PODXL: variants seen among roughly 807,000 people sequenced by gnomAD.
PODXL encodes podocalyxin like.
PODXL carries 20 observed loss-of-function variants against 48.9 expected under a neutral mutation model. The observed-to-expected ratio is 0.41, with a 90% confidence interval of 0.29 to 0.59. The LOEUF (loss-of-function observed/expected upper bound fraction) is 0.59, where lower values mean the gene tolerates loss of function less well. Among genes scored for constraint, PODXL ranks in the 20% least tolerant of loss-of-function variants. The pLI, the probability that PODXL is intolerant of heterozygous loss-of-function variation, is 0.31. For missense variants in PODXL, 606 were observed against 675.1 expected (o/e 0.90, Z 1.13); for synonymous variants, 295 against 287.4 (o/e 1.03, Z -0.27).
chr7:131,541,913 G>T (rs911951850), intron 1 of PODXL, among the ~76,000 whole-genome samples: 1 of 152,136 alleles, frequency 6.6e-6, no homozygotes, highest in Non-Finnish European at 1.5e-5. Context: ...AGCCCCAGTT[G>T]GAGCCAGGTG....
chr7:131,521,554 C>T (rs1157881117), intron 1 of PODXL, among the ~76,000 whole-genome samples: 2 of 152,088 alleles, frequency 1.3e-5, no homozygotes, highest in East Asian at 1.9e-4. Flanking sequence ...AGGTTGGTCT[C>T]GAACTCCTGA....
Position 131,510,944 on chromosome 7 carries a change from G to A in PODXL, c.590C>T (p.Pro197Leu), listed in dbSNP as rs762884814. Reference protein sequence around the residue: ...LSPRQPTSTHPVATPTSSGHD... With the variant: ...LSPRQPTSTHLVATPTSSGHD... The stretch of plus-strand genomic sequence containing the variant: ...TCCCGAGCTTGTTGGGGTGGCCACA[G>A]GATGCGTCGAAGTGGGTTGTCGGGG... The change falls in exon 2 of 9, where the codon CCT (proline) becomes CTT (leucine). Residue 197 changes from proline to leucine, a missense_variant. By Grantham distance (98) the Pro-to-Leu change is moderately conservative. Transcript: ENST00000378555. 1 of 1,614,174 alleles carries A rather than the reference G, an allele frequency of 6.2e-7. No individual in the cohort carries two copies. Among genetic ancestry groups the A allele is most frequent in the Non-Finnish European group, 8.5e-7 (1 of 1,180,030 alleles).
At chr7:131,556,197 C>T in intron 1 of PODXL, 63 bp downstream of exon 1, 2 of 1,376,456 alleles carry the variant, frequency 1.5e-6, no homozygotes, top group South Asian at 1.7e-5. Flanking sequence ...CCCTGCAGCT[C>T]GGCCGGGCAG....
intron 1 of PODXL, among the ~76,000 whole-genome samples, chr7:131,531,376 C>T (rs1798277753): frequency 6.6e-6 from 1 of 152,192 alleles, no homozygotes; most frequent in Non-Finnish European, 1.5e-5. Flanking sequence ...GGGATAAGAG[C>T]AAGGAGCTTG....
At chr7:131,514,156 G>T (rs1021369036) in intron 1 of PODXL, among the ~76,000 whole-genome samples, 7 of 152,210 alleles carry the variant, frequency 4.6e-5, no homozygotes, top group Non-Finnish European at 5.9e-5. Context: ...GGTGGCTCAT[G>T]CCTGTAATCC....
At chr7:131,506,347 A>G (rs759951973) in intron 6 of PODXL, 26 bp from the exon 7 acceptor site, 7 of 1,613,082 alleles carry the variant, frequency 4.3e-6, no homozygotes, top group Non-Finnish European at 5.1e-6. Context: ...ACGATGCCCA[A>G]TGGCCCAGCC....
chr7:131,533,281 G>T (rs1017467658), intron 1 of PODXL, among the ~76,000 whole-genome samples: 6 of 152,164 alleles, frequency 3.9e-5, no homozygotes, highest in African/African-American at 9.7e-5. Flanking sequence ...GTGAGACTTG[G>T]GGCCTCTGGG....
At chr7:131,522,495 T>C (rs535614923) in intron 1 of PODXL, among the ~76,000 whole-genome samples, 1 of 152,184 alleles carries the variant, frequency 6.6e-6, no homozygotes, top group South Asian at 2.1e-4. Flanking sequence ...GGCAGACTAT[T>C]TGAGGAGCAG....
At chr7:131,549,299 G>A (rs1562919534) in intron 1 of PODXL, among the ~76,000 whole-genome samples, 1 of 152,156 alleles carries the variant, frequency 6.6e-6, no homozygotes, top group East Asian at 1.9e-4. Context: ...GCAAGTCCTT[G>A]CATCTGTGCC....
At chr7:131,538,197 T>C (rs2398794) in intron 1 of PODXL, among the ~76,000 whole-genome samples, 151,774 of 152,200 alleles carry the variant, frequency 1, 75,678 homozygotes, top group Middle Eastern at 1. Context: ...ATGACCCCCC[T>C]ACCCCCAGGC....
intron 1 of PODXL, among the ~76,000 whole-genome samples, chr7:131,539,757 G>A (rs1425032752): frequency 2.0e-5 from 3 of 152,244 alleles, no homozygotes; most frequent in African/African-American, 4.8e-5. Context: ...AGACAGGAAC[G>A]TCCGTGCCCA....
intron 1 of PODXL, among the ~76,000 whole-genome samples, chr7:131,533,046 G>A (rs1304251819): frequency 6.6e-6 from 1 of 152,180 alleles, no homozygotes. Flanking sequence ...CTAAGACAAG[G>A]GGTTCAGGAT....
rs2116881810 is a variant in PODXL, at chr7:131,556,538, AGAGCCG to A, written c.-185_-180del. The A allele has an allele frequency of 1.4e-6, 1 of 702,958 alleles. No homozygotes were observed. Among genetic ancestry groups the A allele is most frequent in the East Asian group, 3.7e-5 (1 of 26,976 alleles). 43.5% of individuals were successfully genotyped at this position (702,958 alleles called of 1,614,324 possible). ...GGCTCTTCCTCCCTGCCGCTGCAGC[AGAGCCG>A]GGCTGGGGCGCAGAGCCAGTGGCAG... On this transcript the variant is annotated 5_prime_UTR_variant, in exon 1 of 9. Coordinates refer to ENST00000378555, the MANE Select transcript of PODXL (RefSeq NM_001018111.3).
intron 1 of PODXL, among the ~76,000 whole-genome samples, chr7:131,523,694 A>AT (rs1798126354): frequency 9.7e-6 from 1 of 103,620 alleles, no homozygotes; most frequent in Admixed American, 7.9e-5. Flanking sequence ...AAAAAAAAAA[A>AT]AAAAAAAACA....
chr7:131,517,745 ACT>A (rs1429105726), intron 1 of PODXL, among the ~76,000 whole-genome samples: 2 of 140,100 alleles, frequency 1.4e-5, no homozygotes, highest in African/African-American at 5.1e-5. Context: ...TCCTTGCGTA[ACT>A]CTTTTTTTTT....
Position 131,509,447 on chromosome 7 carries a change from A to G in PODXL, c.941T>C (p.Met314Thr). The G allele has an allele frequency of 6.2e-7, 1 of 1,613,968 alleles. No homozygotes were observed. Among genetic ancestry groups the G allele is most frequent in the Non-Finnish European group, 8.5e-7 (1 of 1,179,966 alleles). Residue 314 changes from methionine to threonine, a missense_variant, in exon 4 of 9, where the codon ATG (methionine) becomes ACG (threonine). Coordinates refer to ENST00000378555, the MANE Select transcript of PODXL (RefSeq NM_001018111.3). ...TGATGCTGCTGTGGGGCTGGAGCTC[A>G]TGGTCTCTGGCAGGGTAGGTGTTCT... Reference protein sequence around the residue: ...ALRTPTLPETMSSSPTAASTT... With the variant: ...ALRTPTLPETTSSSPTAASTT...
At chr7:131,517,185 G>T (rs1409597997) in intron 1 of PODXL, among the ~76,000 whole-genome samples, 1 of 152,196 alleles carries the variant, frequency 6.6e-6, no homozygotes, top group Non-Finnish European at 1.5e-5. Context: ...GCTGATTTCA[G>T]TGGGGACGGA....
intron 1 of PODXL, among the ~76,000 whole-genome samples, chr7:131,544,666 C>T (rs566880812): frequency 5.4e-5 from 3 of 55,870 alleles, no homozygotes; most frequent in African/African-American, 1.3e-4. Context: ...TACGCACGCA[C>T]GCCCTGTACT....
chr7:131,547,762 A>G (rs559165376), intron 1 of PODXL, among the ~76,000 whole-genome samples: 1 of 152,276 alleles, frequency 6.6e-6, no homozygotes, highest in Non-Finnish European at 1.5e-5. Context: ...TTTCCTCTCC[A>G]GGTATGCACC....
Sources: allele counts gnomAD v4.1 joint callset (sites outside exome capture counted in the v4.1 genomes callset), GRCh38; gene constraint gnomAD v4.1.1; transcripts MANE v1.5; gene names NCBI Gene and HGNC (gene_info 2026-07-23, HGNC 2026-07-21).